Variants in CDH13 observed in about 807,000 individuals in gnomAD.
CDH13 encodes cadherin 13.
CDH13 carries 24 observed loss-of-function variants against 63.8 expected under a neutral mutation model. The ratio of observed to expected loss-of-function variants is 0.38; its 90% confidence interval spans 0.27 to 0.53. The LOEUF is 0.53. CDH13 is among the 20% of genes least tolerant of loss of function. The pLI is 0.85. For missense variants in CDH13, 1,049 were observed against 903.1 expected, an observed-to-expected ratio of 1.16 and a Z score of -2.07; for synonymous variants, 503 against 355.3, an observed-to-expected ratio of 1.42 and a Z score of -4.67.
chr16:83,507,244 T>C (rs1348253677), intron 7 of CDH13, among the ~76,000 whole-genome samples: 1 of 152,214 alleles, frequency 6.6e-6, no homozygotes, highest in Admixed American at 6.5e-5. Context: ...AGCAATATTT[T>C]TATTACAGTC....
chr16:83,269,251 T>C (rs937847789), intron 5 of CDH13, among the ~76,000 whole-genome samples: 17 of 152,232 alleles, frequency 1.1e-4, no homozygotes, highest in African/African-American at 4.1e-4. Context: ...TTGTATCTTA[T>C]GAGGCCCCTC....
At chr16:83,528,899 A>G (rs1187425248) in intron 7 of CDH13, among the ~76,000 whole-genome samples, 2 of 152,184 alleles carry the variant, frequency 1.3e-5, no homozygotes, top group African/African-American at 4.8e-5. Context: ...TAACTGTTTA[A>G]TTAGCAGGAG....
chr16:83,447,096 C>CTTTTTTTTTT (rs750432481), intron 6 of CDH13, among the ~76,000 whole-genome samples: 588 of 41,372 alleles, frequency 0.014, 77 homozygotes, highest in Non-Finnish European at 0.018. Flanking sequence ...TTATAGTAAC[C>CTTTTTTTTTT]TTTTTTTTTT....
chr16:83,428,441 C>G (rs967358854), intron 6 of CDH13, among the ~76,000 whole-genome samples: 2 of 151,742 alleles, frequency 1.3e-5, no homozygotes, highest in African/African-American at 2.4e-5. Context: ...TGACAAGATT[C>G]ATTTTTAATT....
chr16:83,532,266 G>C (rs1381867065), intron 7 of CDH13, among the ~76,000 whole-genome samples: 1 of 152,132 alleles, frequency 6.6e-6, no homozygotes, highest in African/African-American at 2.4e-5. Flanking sequence ...ACTAGTACAA[G>C]CTCATACAGT....
intron 1 of CDH13, among the ~76,000 whole-genome samples, chr16:82,812,046 C>G (rs1447041675): frequency 6.6e-6 from 1 of 152,118 alleles, no homozygotes; most frequent in Non-Finnish European, 1.5e-5. Context: ...GGATGTTATT[C>G]TTTGATGGAT....
intron 7 of CDH13, among the ~76,000 whole-genome samples, chr16:83,590,732 T>C (rs1379068531): frequency 6.6e-6 from 1 of 152,204 alleles, no homozygotes; most frequent in Non-Finnish European, 1.5e-5. Context: ...CATTGAGTCA[T>C]ACATTCATTC....
intron 1 of CDH13, among the ~76,000 whole-genome samples, chr16:82,854,175 G>A (rs1040366417): frequency 3.9e-5 from 6 of 152,008 alleles, no homozygotes; most frequent in South Asian, 2.1e-4. Flanking sequence ...CGAGGCAGGC[G>A]GATCACGAGG....
chr16:83,130,357 A>G (rs1026752285), intron 4 of CDH13, among the ~76,000 whole-genome samples: 4 of 152,218 alleles, frequency 2.6e-5, no homozygotes, highest in Admixed American at 1.3e-4. Flanking sequence ...TGAGATTTCA[A>G]AGTCTGTGCT....
intron 5 of CDH13, among the ~76,000 whole-genome samples, chr16:83,301,546 C>G (rs934817410): frequency 6.6e-6 from 1 of 152,062 alleles, no homozygotes; most frequent in Non-Finnish European, 1.5e-5. Context: ...GGGGAGGGAG[C>G]AGTGAAACTG....
At chr16:82,721,537 A>C (rs981343837) in intron 1 of CDH13, among the ~76,000 whole-genome samples, 2 of 152,168 alleles carry the variant, frequency 1.3e-5, no homozygotes, top group Non-Finnish European at 2.9e-5. Flanking sequence ...TCACGTAGGC[A>C]GGAAGAAAGG....
chr16:83,245,418 G>A (rs563240008), intron 5 of CDH13, among the ~76,000 whole-genome samples: 31 of 152,334 alleles, frequency 2.0e-4, no homozygotes, highest in Non-Finnish European at 4.1e-4. Context: ...ACAGATAAGT[G>A]TTAAATTGAA....
At chr16:83,495,127 G>A (rs1169516470) in intron 7 of CDH13, among the ~76,000 whole-genome samples, 1 of 152,126 alleles carries the variant, frequency 6.6e-6, no homozygotes, top group African/African-American at 2.4e-5. Context: ...CCAAATATGA[G>A]TGACCATGGC....
At chr16:82,714,441 T>C (rs982374016) in intron 1 of CDH13, among the ~76,000 whole-genome samples, 1 of 152,006 alleles carries the variant, frequency 6.6e-6, no homozygotes, top group Admixed American at 6.6e-5. Context: ...GGGTCGGGCA[T>C]GGTGGCTCAG....
chr16:83,444,686 A>G (rs1344482654), intron 6 of CDH13, among the ~76,000 whole-genome samples: 1 of 152,160 alleles, frequency 6.6e-6, no homozygotes, highest in Non-Finnish European at 1.5e-5. Context: ...GGCGAGCTGG[A>G]GTATAATGTT....
At chr16:83,077,676 C>T (rs1196644975) in intron 3 of CDH13, among the ~76,000 whole-genome samples, 2 of 152,190 alleles carry the variant, frequency 1.3e-5, no homozygotes, top group Admixed American at 1.3e-4. Flanking sequence ...TAAAAACGTT[C>T]ATGCACAATT....
At chr16:83,095,938 T>C (rs2034171700) in intron 3 of CDH13, among the ~76,000 whole-genome samples, 1 of 152,194 alleles carries the variant, frequency 6.6e-6, no homozygotes, top group Non-Finnish European at 1.5e-5. Flanking sequence ...TTTCAGGGGA[T>C]CTGTTCAAGT....
At chr16:82,752,779 C>G (rs1212056664) in intron 1 of CDH13, among the ~76,000 whole-genome samples, 1 of 152,166 alleles carries the variant, frequency 6.6e-6, no homozygotes, top group Non-Finnish European at 1.5e-5. Context: ...GTGGCCTTTG[C>G]CTATTTTCAT....
At chr16:82,962,596 G>C (rs1244086017) in intron 2 of CDH13, among the ~76,000 whole-genome samples, 1 of 152,170 alleles carries the variant, frequency 6.6e-6, no homozygotes, top group African/African-American at 2.4e-5. Flanking sequence ...AGTGGGAGTA[G>C]GAAGGTCTAG....
Sources: allele counts gnomAD v4.1 joint callset (sites outside exome capture counted in the v4.1 genomes callset), GRCh38; gene constraint gnomAD v4.1.1; transcripts MANE v1.5; gene names NCBI Gene and HGNC (gene_info 2026-07-23, HGNC 2026-07-21).